The following FRMPD4 variants were observed in gnomAD, a reference collection of about 807,000 sequenced individuals.
FRMPD4 encodes FERM and PDZ domain-containing protein 4.
In FRMPD4, 22 loss-of-function variants were observed where a neutral mutation model predicts 94.1. That is an observed-to-expected ratio of 0.23 (90% CI 0.17 to 0.33). The LOEUF (loss-of-function observed/expected upper bound fraction) is 0.33. Among genes scored for constraint, FRMPD4 ranks in the 10% least tolerant of loss-of-function variants. The probability of loss-of-function intolerance (pLI) is 1.00; values close to 1 mark genes in which losing one functional copy is unlikely to be tolerated. For missense variants in FRMPD4, 1,111 were observed against 1,339.9 expected, an observed-to-expected ratio of 0.83 and a Z score of 2.67; for synonymous variants, 631 against 548.6, an observed-to-expected ratio of 1.15 and a Z score of -2.10.
chrX:12,684,887 C>T (rs2060005551), intron 6 of FRMPD4, among the ~76,000 whole-genome samples: 1 of 111,916 alleles, frequency 8.9e-6, no homozygotes. Context: ...GGATAATCAT[C>T]TCCTGAAGCC....
intron 5 of FRMPD4, among the ~76,000 whole-genome samples, chrX:12,676,421 C>T (rs1456193661): frequency 8.9e-6 from 1 of 112,816 alleles, no homozygotes. Context: ...AAGCATCGAA[C>T]AACTATAAAT....
chrX:12,455,250 G>A (rs1436171154), intron 1 of FRMPD4, among the ~76,000 whole-genome samples: 2 of 111,520 alleles, frequency 1.8e-5, no homozygotes, highest in African/African-American at 6.5e-5. Flanking sequence ...GCCTGACAGG[G>A]TTAGACACGT....
intron 3 of FRMPD4, among the ~76,000 whole-genome samples, chrX:12,003,492 T>C (rs188079821): frequency 9.0e-6 from 1 of 111,633 alleles, no homozygotes; most frequent in East Asian, 2.8e-4. Flanking sequence ...TGGTTCACTG[T>C]AACCTTCACC....
chrX:12,476,422 A>C (rs896251487), intron 1 of FRMPD4, among the ~76,000 whole-genome samples: 1 of 111,907 alleles, frequency 8.9e-6, no homozygotes, highest in African/African-American at 3.2e-5. Flanking sequence ...TTCATGTCTA[A>C]AACACCAAAA....
intron 3 of FRMPD4, among the ~76,000 whole-genome samples, chrX:11,921,897 C>T (rs1361495562): frequency 8.9e-6 from 1 of 111,887 alleles, no homozygotes; most frequent in Non-Finnish European, 1.9e-5. Flanking sequence ...TTAGGTATCT[C>T]TCCTTTTTGT....
chrX:11,872,616 C>T (rs1348156027), intron 2 of FRMPD4, among the ~76,000 whole-genome samples: 1 of 112,037 alleles, frequency 8.9e-6, no homozygotes, highest in Non-Finnish European at 1.9e-5. Context: ...CCAACACTTC[C>T]TCAATTTTAC....
At chrX:12,590,676 G>A (rs1294074105) in intron 2 of FRMPD4, among the ~76,000 whole-genome samples, 1 of 111,951 alleles carries the variant, frequency 8.9e-6, no homozygotes, top group Non-Finnish European at 1.9e-5. Context: ...TACACTGTCA[G>A]AGACTGAAAA....
intron 1 of FRMPD4, among the ~76,000 whole-genome samples, chrX:11,845,838 G>T (rs922727430): frequency 9.2e-6 from 1 of 108,766 alleles, no homozygotes; most frequent in Non-Finnish European, 1.9e-5. Context: ...AACCCTTCAC[G>T]CTAAAAACTC....
chrX:12,538,079 C>G (rs1324205258), intron 2 of FRMPD4, among the ~76,000 whole-genome samples: 1 of 111,336 alleles, frequency 9.0e-6, no homozygotes, highest in African/African-American at 3.3e-5. Flanking sequence ...CCTTTCCTAG[C>G]CAAAGGAAGC....
intron 3 of FRMPD4, among the ~76,000 whole-genome samples, chrX:12,119,218 C>T (rs1459239811): frequency 9.0e-6 from 1 of 111,340 alleles, no homozygotes; most frequent in Non-Finnish European, 1.9e-5. Flanking sequence ...AAAGCTTCTA[C>T]CATGAAAAGT....
intron 3 of FRMPD4, among the ~76,000 whole-genome samples, chrX:12,127,625 C>T (rs1468459771): frequency 8.9e-6 from 1 of 111,752 alleles, no homozygotes; most frequent in African/African-American, 3.3e-5. Context: ...CATGTCCTCA[C>T]ATTTCAAAAC....
At chrX:12,503,327 G>A (rs901024264) in intron 2 of FRMPD4, among the ~76,000 whole-genome samples, 2 of 111,491 alleles carry the variant, frequency 1.8e-5, no homozygotes, top group African/African-American at 6.5e-5. Flanking sequence ...CCTTCATCCT[G>A]TGTACACAAA....
intron 1 of FRMPD4, among the ~76,000 whole-genome samples, chrX:12,477,177 C>T (rs78731101): frequency 0.078 from 8,689 of 110,828 alleles, 372 homozygotes; most frequent in Non-Finnish European, 0.12. Context: ...AAGCTGGAAA[C>T]CATCATTCTC....
chrX:12,519,047 C>T (rs1485019474), intron 2 of FRMPD4, among the ~76,000 whole-genome samples: 3 of 111,997 alleles, frequency 2.7e-5, no homozygotes, highest in Middle Eastern at 4.2e-3. Flanking sequence ...AAAGTAAAGA[C>T]GACAAAAATA....
intron 1 of FRMPD4, among the ~76,000 whole-genome samples, chrX:12,364,692 G>A (rs1240903756): frequency 9.0e-6 from 1 of 111,509 alleles, no homozygotes; most frequent in Admixed American, 9.5e-5. Flanking sequence ...AAAGCAAGAT[G>A]TGTCAGGTAG....
At chrX:12,053,414 GA>G (rs1304612248) in intron 3 of FRMPD4, among the ~76,000 whole-genome samples, 67 of 91,670 alleles carry the variant, frequency 7.3e-4, no homozygotes, top group African/African-American at 1.4e-3. Flanking sequence ...AAGAAAGAAA[GA>G]AAGAAAGAAA....
chrX:12,110,861 A>C lies in FRMPD4; in HGVS notation c.95+232843A>C, dbSNP rs753999282. Among the ~76,000 whole-genome samples, 4 of 111,347 alleles carry C rather than the reference A, an allele frequency of 3.6e-5. No individual in the cohort carries two copies. In the East Asian group the frequency reaches 1.1e-3, roughly 31 times the overall value. On this transcript the variant is annotated intron_variant, in intron 3 of 18. Transcript: ENST00000640291. ...TAAAATACCTAGGAATCCAACTTAC[A>C]AGGGATGTGAAGGACCTCTTCAAGG... is the stretch of plus-strand genomic sequence containing the variant.
chrX:12,649,313 G>T (rs1312356755), intron 4 of FRMPD4, among the ~76,000 whole-genome samples: 1 of 112,074 alleles, frequency 8.9e-6, no homozygotes, highest in East Asian at 2.8e-4. Context: ...GTGTCTTCTA[G>T]AATGCTTTCC....
At chrX:12,515,775 T>C (rs1445611543) in intron 2 of FRMPD4, among the ~76,000 whole-genome samples, 3 of 111,890 alleles carry the variant, frequency 2.7e-5, no homozygotes, top group African/African-American at 9.8e-5. Context: ...CTGTCTAATA[T>C]TGACAGTGGG....
Sources: gnomAD v4.1 joint callset for allele counts (sites outside exome capture counted in the v4.1 genomes callset) on GRCh38, gnomAD v4.1.1 for gene constraint, MANE v1.5 for transcripts, NCBI Gene and HGNC (gene_info 2026-07-23, HGNC 2026-07-21) for gene names.